ZNF423: variants seen among roughly 807,000 people sequenced by gnomAD.
The protein encoded by ZNF423 is Ebf-associated zinc finger protein.
A neutral mutation model predicts 95.8 loss-of-function variants in ZNF423; 12 were observed. That is an observed-to-expected ratio of 0.13 (90% CI 0.08 to 0.20). ZNF423 has a LOEUF of 0.20. ZNF423 is among the 10% of genes least tolerant of loss of function. The pLI is 1.00. For synonymous variants in ZNF423, 749 were observed against 711.9 expected, an observed-to-expected ratio of 1.05 and a Z score of -0.83; for missense variants, 1,316 against 1,737.1, an observed-to-expected ratio of 0.76 and a Z score of 4.31.
At chr16:49,584,033 A>G (rs1229080228) in intron 5 of ZNF423, among the ~76,000 whole-genome samples, 1 of 152,222 alleles carries the variant, frequency 6.6e-6, no homozygotes, top group Non-Finnish European at 1.5e-5. Context: ...ATAACCACAA[A>G]GCATTGTCTT....
intron 7 of ZNF423, among the ~76,000 whole-genome samples, chr16:49,493,027 G>A (rs2151643928): frequency 6.6e-6 from 1 of 152,268 alleles, no homozygotes; most frequent in South Asian, 2.1e-4. Context: ...CCTCGGTCGG[G>A]GGCGTCAGGG....
intron 1 of ZNF423, among the ~76,000 whole-genome samples, chr16:49,820,386 A>G (rs1005233428): frequency 2.0e-5 from 3 of 152,226 alleles, no homozygotes; most frequent in East Asian, 1.9e-4. Context: ...AAGAAAGTCA[A>G]TGCTAAAATG....
At chr16:49,689,387 G>T (rs769781274) in intron 3 of ZNF423, among the ~76,000 whole-genome samples, 1 of 152,102 alleles carries the variant, frequency 6.6e-6, no homozygotes, top group African/African-American at 2.4e-5. Context: ...GAGGGGTCAA[G>T]GTTGCAGTGG....
chr16:49,634,702 C>T (rs1270628591), intron 4 of ZNF423, among the ~76,000 whole-genome samples: 2 of 152,212 alleles, frequency 1.3e-5, no homozygotes, highest in East Asian at 3.9e-4. Flanking sequence ...CCTGGCACCT[C>T]CTTGGTCTGG....
At chr16:49,756,795 G>T (rs1010883287) in intron 2 of ZNF423, among the ~76,000 whole-genome samples, 1 of 152,208 alleles carries the variant, frequency 6.6e-6, no homozygotes, top group South Asian at 2.1e-4. Context: ...TGATGAGTTC[G>T]GACACTTGTG....
chr16:49,812,802 G>A (rs2034774692), intron 1 of ZNF423, among the ~76,000 whole-genome samples: 1 of 152,198 alleles, frequency 6.6e-6, no homozygotes, highest in South Asian at 2.1e-4. Flanking sequence ...ACTTCCATTT[G>A]TGTTGGGGAG....
chr16:49,517,700 C>T, intron 7 of ZNF423: 3 of 220,090 alleles, frequency 1.4e-5, no homozygotes, highest in South Asian at 5.6e-5. Flanking sequence ...ATTGTTAGAT[C>T]AGGCCAGTTA....
chr16:49,640,036 G>A (rs565772023), intron 3 of ZNF423, among the ~76,000 whole-genome samples: 2 of 152,294 alleles, frequency 1.3e-5, no homozygotes, highest in Non-Finnish European at 2.9e-5. Flanking sequence ...AGGCTGCTGC[G>A]GGCAGGGGAG....
chr16:49,756,626 C>T (rs2033732002), intron 2 of ZNF423, among the ~76,000 whole-genome samples: 1 of 152,198 alleles, frequency 6.6e-6, no homozygotes, highest in Admixed American at 6.5e-5. Context: ...AGCTTGGACC[C>T]AGGGAAGCTT....
intron 2 of ZNF423, among the ~76,000 whole-genome samples, chr16:49,770,314 C>G (rs1434808446): frequency 2.6e-5 from 4 of 152,178 alleles, no homozygotes; most frequent in African/African-American, 9.7e-5. Context: ...GAGGCTCAGC[C>G]AGCAGCAATG....
intron 3 of ZNF423, among the ~76,000 whole-genome samples, chr16:49,728,567 A>G (rs1567314914): frequency 6.6e-6 from 1 of 152,246 alleles, no homozygotes; most frequent in East Asian, 1.9e-4. Context: ...TTTCACCTGG[A>G]GTCAAAGGCT....
chr16:49,703,389 G>A (rs2032253288), intron 3 of ZNF423, among the ~76,000 whole-genome samples: 1 of 152,194 alleles, frequency 6.6e-6, no homozygotes, highest in Non-Finnish European at 1.5e-5. Context: ...GTCAGGGATG[G>A]GGTGGGGGTT....
In ZNF423 at chr16:49,718,812, C is replaced by T. The variant is rs111842842; in HGVS notation, c.301+11959G>A. Among the ~76,000 whole-genome samples, 10 of 152,238 alleles carry T rather than the reference C, an allele frequency of 6.6e-5. 1 individual carries two copies. The highest frequency in any genetic ancestry group is 2.4e-4 in the African/African-American group (10 of 41,534). On this transcript the variant is annotated intron_variant, in intron 3 of 7. Transcript: ENST00000563137. ...GAGCACTCATCCCATTCTTCCAGAG[C>T]CTTCATGACCTAATCACCTCCTACA...
In ZNF423 at chr16:49,639,476, G is replaced by A. The variant is rs1320817586; in HGVS notation, c.302-602C>T. The stretch of plus-strand genomic sequence containing the variant: ...AGGTGGTAGACAAGACATAGGAGGT[G>A]TGAAATCACAGGGCAAGAGACAGCA... On this transcript the variant is annotated intron_variant, in intron 3 of 7. Coordinates refer to ENST00000563137, the MANE Select transcript of ZNF423 (RefSeq NM_001379286.1). 3.3e-5 allele frequency among the ~76,000 whole-genome samples: 5 copies of A among 152,206 alleles called. 1 individual carries two copies. The highest frequency in any genetic ancestry group is 1.2e-4 in the African/African-American group (5 of 41,446).
chr16:49,790,761 A>C lies in ZNF423; in HGVS notation c.41-1215T>G, dbSNP rs540615979. The stretch of plus-strand genomic sequence containing the variant: ...TGTATATGACCTGAGCAAATGATCT[A>C]ACCTCTGGGTTTCTGTTTTCCCACT... On this transcript the variant is annotated intron_variant, in intron 1 of 7. Transcript: ENST00000563137. Among the ~76,000 whole-genome samples, 85 of 152,338 alleles carry C rather than the reference A, an allele frequency of 5.6e-4. 1 individual carries two copies. The highest frequency in any genetic ancestry group is 1.6e-3 in the African/African-American group (66 of 41,586).
intron 4 of ZNF423, among the ~76,000 whole-genome samples, chr16:49,630,562 G>A (rs1972462219): frequency 6.6e-6 from 1 of 152,072 alleles, no homozygotes; most frequent in Non-Finnish European, 1.5e-5. Context: ...CAGCAGCAAT[G>A]GCTGCGGGCA....
intron 1 of ZNF423, among the ~76,000 whole-genome samples, chr16:49,817,512 C>G (rs1023484811): frequency 6.6e-6 from 1 of 152,102 alleles, no homozygotes; most frequent in Non-Finnish European, 1.5e-5. Flanking sequence ...GAAGGAAATG[C>G]AGAGCAGCAA....
At chr16:49,623,483 A>T (rs1028520877) in intron 5 of ZNF423, among the ~76,000 whole-genome samples, 1 of 152,248 alleles carries the variant, frequency 6.6e-6, no homozygotes, top group African/African-American at 2.4e-5. Flanking sequence ...ACTGCAGTCC[A>T]ATTAGCCAGG....
intron 5 of ZNF423, among the ~76,000 whole-genome samples, chr16:49,579,720 A>G (rs1041721136): frequency 9.2e-5 from 14 of 152,142 alleles, no homozygotes; most frequent in Non-Finnish European, 1.9e-4. Flanking sequence ...TCCTTTCTCA[A>G]GGACCACCAT....
Sources: gnomAD v4.1 joint callset for allele counts (sites outside exome capture counted in the v4.1 genomes callset) on GRCh38, gnomAD v4.1.1 for gene constraint, MANE v1.5 for transcripts, NCBI Gene and HGNC (gene_info 2026-07-23, HGNC 2026-07-21) for gene names.